Variants in CLMP observed in about 807,000 individuals in gnomAD.
CLMP encodes CXADR-like membrane protein.
CLMP carries 27 observed loss-of-function variants against 45.2 expected under a neutral mutation model. The ratio of observed to expected loss-of-function variants is 0.60; its 90% CI spans 0.44 to 0.82. The LOEUF is 0.82. CLMP is among the 40% of genes least tolerant of loss of function. The pLI is 0.00. For synonymous variants in CLMP, 167 were observed against 171.4 expected, an observed-to-expected ratio of 0.97 and a Z score of 0.20; for missense variants, 403 against 448.4, an observed-to-expected ratio of 0.90 and a Z score of 0.91.
chr11:123,114,872 C>A (rs1249369133), intron 1 of CLMP, among the ~76,000 whole-genome samples: 1 of 152,112 alleles, frequency 6.6e-6, no homozygotes, highest in Non-Finnish European at 1.5e-5. Context: ...TGCCCAAGAT[C>A]GCACAGATTA....
chr11:123,077,995 C>G (rs887389710), intron 5 of CLMP, among the ~76,000 whole-genome samples: 5 of 151,956 alleles, frequency 3.3e-5, no homozygotes, highest in African/African-American at 1.2e-4. Flanking sequence ...AATCCTAGCT[C>G]CTCAGGAAGC....
At chr11:123,176,359 G>A (rs945761021) in intron 1 of CLMP, among the ~76,000 whole-genome samples, 1 of 152,220 alleles carries the variant, frequency 6.6e-6, no homozygotes, top group Non-Finnish European at 1.5e-5. Flanking sequence ...AGGCATGTCT[G>A]TATTTGAAAT....
chr11:123,150,748 A>C (rs1026797335), intron 1 of CLMP, among the ~76,000 whole-genome samples: 1 of 152,078 alleles, frequency 6.6e-6, no homozygotes, highest in African/African-American at 2.4e-5. Flanking sequence ...ATGGAGTCTC[A>C]CTCTGTCGCT....
chr11:123,158,150 G>A (rs1201979174), intron 1 of CLMP, among the ~76,000 whole-genome samples: 3 of 152,134 alleles, frequency 2.0e-5, no homozygotes, highest in Non-Finnish European at 4.4e-5. Flanking sequence ...CTATTGCACG[G>A]TTAGGCTGGG....
At chr11:123,186,988 C>A (rs1779431104) in intron 1 of CLMP, among the ~76,000 whole-genome samples, 1 of 152,202 alleles carries the variant, frequency 6.6e-6, no homozygotes, top group South Asian at 2.1e-4. Context: ...CATGAACTGA[C>A]CCTCCCCCAG....
intron 2 of CLMP, among the ~76,000 whole-genome samples, chr11:123,096,230 T>C (rs993675464): frequency 1.3e-5 from 2 of 152,166 alleles, no homozygotes; most frequent in African/African-American, 4.8e-5. Flanking sequence ...GGTGGATGCC[T>C]GTAATCCCAG....
chr11:123,097,932 A>G lies in CLMP; in HGVS notation c.49T>C (p.Leu17=). The G allele has an allele frequency of 6.3e-7, 1 of 1,578,670 alleles. No individual in the cohort carries two copies. The highest frequency in any genetic ancestry group is 8.6e-7 in the Non-Finnish European group (1 of 1,161,958). Residue 17 remains leucine (L), a synonymous_variant, in exon 2 of 7, where the codon TTG becomes CTG. Transcript: ENST00000448775. The stretch of plus-strand genomic sequence containing the variant: ...CTCTTGATCTCAGTGTGAGTCCCCA[A>G]GGTTCCAACATAGTAGGAAACTGGA... The part of the protein sequence containing the change: ...LLLVSYYVGT[L]GTHTEIKRVA...
intron 2 of CLMP, among the ~76,000 whole-genome samples, chr11:123,096,443 G>A (rs2135479459): frequency 6.6e-6 from 1 of 152,272 alleles, no homozygotes; most frequent in Non-Finnish European, 1.5e-5. Context: ...AGAATCGCTT[G>A]AACCCTGTGA....
chr11:123,157,086 C>T (rs1489968484), intron 1 of CLMP, among the ~76,000 whole-genome samples: 1 of 152,170 alleles, frequency 6.6e-6, no homozygotes, highest in African/African-American at 2.4e-5. Flanking sequence ...AAACAAAACT[C>T]AGAGGCACTT....
At chr11:123,081,340 G>A (rs561136734) in intron 5 of CLMP, among the ~76,000 whole-genome samples, 296 of 152,156 alleles carry the variant, frequency 1.9e-3, no homozygotes, top group African/African-American at 6.7e-3. Flanking sequence ...GGTTTATCCT[G>A]TCTTTTTTCA....
chr11:123,124,709 T>C (rs1345770092), intron 1 of CLMP, among the ~76,000 whole-genome samples: 1 of 152,196 alleles, frequency 6.6e-6, no homozygotes, highest in East Asian at 1.9e-4. Flanking sequence ...AAACGGATAT[T>C]CTCCTTATTT....
At chr11:123,082,622 T>G (rs2135467543) in intron 5 of CLMP, among the ~76,000 whole-genome samples, 1 of 151,348 alleles carries the variant, frequency 6.6e-6, no homozygotes, top group East Asian at 1.9e-4. Flanking sequence ...TGTGTGTTTT[T>G]TTTTTTGAGA....
intron 3 of CLMP, 111 bp downstream of exon 3, chr11:123,084,401 G>A: frequency 2.4e-6 from 2 of 831,490 alleles, no homozygotes; most frequent in East Asian, 5.1e-5. Context: ...CTCTGAATGT[G>A]TAATCCAAAG....
chr11:123,135,916 G>A, intron 1 of CLMP: 1 of 535,280 alleles, frequency 1.9e-6, no homozygotes, highest in Admixed American at 2.0e-5. Flanking sequence ...GAACATTCAC[G>A]TCCTTAAGAT....
intron 1 of CLMP, among the ~76,000 whole-genome samples, chr11:123,176,726 T>C (rs1218988321): frequency 6.6e-6 from 1 of 152,190 alleles, no homozygotes; most frequent in Non-Finnish European, 1.5e-5. Context: ...TAACAGTGCA[T>C]GTGAAGGAGA....
At chr11:123,132,171 T>C (rs1327040588) in intron 1 of CLMP, among the ~76,000 whole-genome samples, 1 of 152,214 alleles carries the variant, frequency 6.6e-6, no homozygotes, top group African/African-American at 2.4e-5. Flanking sequence ...AAATAGCATT[T>C]TTTTTCTTTT....
intron 1 of CLMP, among the ~76,000 whole-genome samples, chr11:123,109,733 C>A (rs1252823145): frequency 6.6e-6 from 1 of 152,094 alleles, no homozygotes; most frequent in African/African-American, 2.4e-5. Flanking sequence ...ACATGGGGAA[C>A]CAAGAGATTT....
chr11:123,101,780 A>G (rs1054191092), intron 1 of CLMP, among the ~76,000 whole-genome samples: 2 of 152,228 alleles, frequency 1.3e-5, no homozygotes, highest in Non-Finnish European at 1.5e-5. Flanking sequence ...CCCAAAACTC[A>G]ACCGCTTTTG....
chr11:123,155,440 C>T (rs986744005), intron 1 of CLMP, among the ~76,000 whole-genome samples: 1 of 151,308 alleles, frequency 6.6e-6, no homozygotes, highest in African/African-American at 2.4e-5. Flanking sequence ...AGAGTGTTTA[C>T]CAGATGATTG....
Sources: allele counts gnomAD v4.1 joint callset (sites outside exome capture counted in the v4.1 genomes callset), GRCh38; gene constraint gnomAD v4.1.1; transcripts MANE v1.5; gene names NCBI Gene and HGNC (gene_info 2026-07-23, HGNC 2026-07-21).